Variants in PCDH9 observed in about 807,000 individuals in gnomAD.
The protein encoded by PCDH9 is protocadherin-9.
PCDH9 carries 24 observed loss-of-function variants against 70.6 expected under a neutral mutation model. That is an observed-to-expected ratio of 0.34 (90% CI 0.25 to 0.48). The LOEUF (loss-of-function observed/expected upper bound fraction) is 0.48. PCDH9 is among the 20% of genes least tolerant of loss of function. The probability of loss-of-function intolerance (pLI) is 0.99; values close to 1 mark genes in which losing one functional copy is unlikely to be tolerated. For missense variants in PCDH9, 1,281 were observed against 1,503.6 expected (o/e 0.85, Z 2.45); for synonymous variants, 562 against 558.5 (o/e 1.01, Z -0.09).
At chr13:66,741,958 C>A (rs1214136707) in intron 3 of PCDH9, among the ~76,000 whole-genome samples, 1 of 149,984 alleles carries the variant, frequency 6.7e-6, no homozygotes, top group African/African-American at 2.5e-5. Context: ...CATCAAGCTA[C>A]CAATGACTGT....
At chr13:66,445,630 T>TTATATACACATATATATTA (rs1566331120) in intron 4 of PCDH9, among the ~76,000 whole-genome samples, 20 of 137,994 alleles carry the variant, frequency 1.4e-4, no homozygotes, top group African/African-American at 5.4e-4. Flanking sequence ...CACATATATA[T>TTATATACACATATATATTA]TATATACACA....
At chr13:66,504,655 C>G (rs1218191248) in intron 4 of PCDH9, among the ~76,000 whole-genome samples, 1 of 152,146 alleles carries the variant, frequency 6.6e-6, no homozygotes, top group Non-Finnish European at 1.5e-5. Context: ...CTTTGCTTAT[C>G]CTTGTATCTG....
intron 3 of PCDH9, among the ~76,000 whole-genome samples, chr13:66,704,103 G>T (rs1290708612): frequency 2.6e-5 from 4 of 152,060 alleles, no homozygotes; most frequent in Non-Finnish European, 4.4e-5. Context: ...GTTAAAACAA[G>T]AATTTTTCAA....
chr13:67,140,221 TG>T (rs2087347707), intron 2 of PCDH9, among the ~76,000 whole-genome samples: 1 of 152,304 alleles, frequency 6.6e-6, no homozygotes, highest in Admixed American at 6.5e-5. Context: ...ACAAAGTGTC[TG>T]GCTCACATTG....
intron 4 of PCDH9, among the ~76,000 whole-genome samples, chr13:66,580,538 C>T (rs958643846): frequency 2.0e-5 from 3 of 151,470 alleles, no homozygotes; most frequent in African/African-American, 7.3e-5. Context: ...GAGTATTTGT[C>T]AATGGTATGG....
intron 3 of PCDH9, among the ~76,000 whole-genome samples, chr13:66,832,674 C>A (rs1028174556): frequency 2.8e-4 from 42 of 151,988 alleles, no homozygotes; most frequent in Non-Finnish European, 5.3e-4. Context: ...AATGGCTTTC[C>A]CAAATATTCA....
intron 2 of PCDH9, among the ~76,000 whole-genome samples, chr13:66,913,500 G>A (rs752688012): frequency 6.6e-6 from 1 of 151,894 alleles, no homozygotes; most frequent in Non-Finnish European, 1.5e-5. Context: ...ATGTACCACC[G>A]GCTATGTAGG....
intron 3 of PCDH9, among the ~76,000 whole-genome samples, chr13:66,849,672 T>G (rs2081283241): frequency 6.6e-6 from 1 of 151,926 alleles, no homozygotes; most frequent in African/African-American, 2.4e-5. Context: ...AATGTGTGAT[T>G]AAGTCATTTG....
At chr13:66,779,476 T>C (rs7322333) in intron 3 of PCDH9, among the ~76,000 whole-genome samples, 147,910 of 152,238 alleles carry the variant, frequency 0.97, 71,995 homozygotes, top group East Asian at 1. Context: ...TGAAGTAAGC[T>C]AGACAGACAA....
At chr13:66,421,420 C>G (rs529053648) in intron 4 of PCDH9, among the ~76,000 whole-genome samples, 1 of 152,238 alleles carries the variant, frequency 6.6e-6, no homozygotes, top group African/African-American at 2.4e-5. Flanking sequence ...TTAAGGGCAG[C>G]TAGGGAAAAA....
chr13:67,045,014 G>A (rs2085195636), intron 2 of PCDH9, among the ~76,000 whole-genome samples: 1 of 152,152 alleles, frequency 6.6e-6, no homozygotes, highest in Non-Finnish European at 1.5e-5. Context: ...GCAAAGAAAT[G>A]GAAATGCCAG....
rs1956687117 is a variant in PCDH9, at chr13:66,373,094, T to C, written c.3341-68066A>G. ...TGAAAACAATCGAAAAGGTCATCAG[T>C]CAATAATTGGATAAACTCTTAATAA... On this transcript the variant is annotated intron_variant, in intron 4 of 4. Transcript: ENST00000377865. 2.0e-5 allele frequency among the ~76,000 whole-genome samples: 3 copies of C among 151,966 alleles called. No individual in the cohort carries two copies. The South Asian group carries it at 6.2e-4, about 31-fold the overall frequency.
intron 3 of PCDH9, among the ~76,000 whole-genome samples, chr13:66,684,338 A>G (rs1457896714): frequency 2.0e-5 from 3 of 152,282 alleles, no homozygotes; most frequent in East Asian, 1.9e-4. Flanking sequence ...CAGACATGCC[A>G]TCAATTCGGT....
At chr13:66,443,602 T>C (rs935900162) in intron 4 of PCDH9, among the ~76,000 whole-genome samples, 49 of 152,240 alleles carry the variant, frequency 3.2e-4, no homozygotes, top group African/African-American at 1.2e-3. Context: ...AAGCTAAAAC[T>C]TTGGGAAACA....
At chr13:66,726,462 C>A (rs1566150909) in intron 3 of PCDH9, among the ~76,000 whole-genome samples, 1 of 147,116 alleles carries the variant, frequency 6.8e-6, no homozygotes. Flanking sequence ...CTGTTTAAAG[C>A]ATAACATTAG....
chr13:66,437,249 T>C (rs1294220357), intron 4 of PCDH9, among the ~76,000 whole-genome samples: 1 of 150,882 alleles, frequency 6.6e-6, no homozygotes, highest in Non-Finnish European at 1.5e-5. Context: ...CTACTAAAAA[T>C]ACAAAACATT....
At chr13:66,561,659 G>A (rs7998429) in intron 4 of PCDH9, among the ~76,000 whole-genome samples, 126,040 of 152,028 alleles carry the variant, frequency 0.83, 52,496 homozygotes, top group East Asian at 1. Flanking sequence ...ACTCTGGTGG[G>A]CACTTGGAGA....
intron 2 of PCDH9, among the ~76,000 whole-genome samples, chr13:66,947,446 T>G (rs1044368235): frequency 2.6e-5 from 4 of 152,100 alleles, no homozygotes; most frequent in African/African-American, 9.7e-5. Flanking sequence ...TTATTATGAG[T>G]GTAATGACAA....
chr13:67,156,313 T>C (rs1283242663), intron 2 of PCDH9, among the ~76,000 whole-genome samples: 1 of 151,962 alleles, frequency 6.6e-6, no homozygotes, highest in Non-Finnish European at 1.5e-5. Flanking sequence ...CAGGGGGATG[T>C]CAAATGCAGC....
Sources: gnomAD v4.1 joint callset for allele counts (sites outside exome capture counted in the v4.1 genomes callset) on GRCh38, gnomAD v4.1.1 for gene constraint, MANE v1.5 for transcripts, NCBI Gene and HGNC (gene_info 2026-07-23, HGNC 2026-07-21) for gene names.